The following DMD variants were observed in gnomAD, a reference collection of about 807,000 sequenced individuals.
DMD encodes dystrophin, also known as mutant dystrophin.
In DMD, 63 loss-of-function variants were observed where a neutral mutation model predicts 330.1. The observed-to-expected ratio is 0.19, with a 90% CI of 0.16 to 0.24. The LOEUF (loss-of-function observed/expected upper bound fraction) is 0.24, where lower values mean the gene tolerates loss of function less well. Ranked by LOEUF, DMD falls within the 10% of genes least tolerant of loss-of-function variation. The pLI is 1.00. For synonymous variants in DMD, 1,223 were observed against 959.8 expected, an observed-to-expected ratio of 1.27 and a Z score of -5.07; for missense variants, 3,344 against 2,684.1, an observed-to-expected ratio of 1.25 and a Z score of -5.43.
At chrX:32,387,935 A>G (rs1266849024) in intron 32 of DMD, among the ~76,000 whole-genome samples, 3 of 111,801 alleles carry the variant, frequency 2.7e-5, no homozygotes, top group Non-Finnish European at 3.8e-5. Flanking sequence ...ATTTATAAAC[A>G]AAGGGGAGAA....
chrX:32,141,361 G>A (rs1441254420), intron 44 of DMD, among the ~76,000 whole-genome samples: 12 of 110,472 alleles, frequency 1.1e-4, no homozygotes, highest in African/African-American at 4.0e-4. Flanking sequence ...ACTTGAACCC[G>A]GGAGGTGGAG....
At chrX:31,199,301 C>G (rs370619905) in intron 67 of DMD, among the ~76,000 whole-genome samples, 2 of 112,281 alleles carry the variant, frequency 1.8e-5, no homozygotes, top group East Asian at 5.6e-4. Context: ...ACTTCTATCA[C>G]TACCAAAATG....
chrX:33,136,636 C>A (rs2095529521), intron 1 of DMD, among the ~76,000 whole-genome samples: 1 of 110,012 alleles, frequency 9.1e-6, no homozygotes, highest in Admixed American at 9.9e-5. Flanking sequence ...ATAAAAGAGG[C>A]CAAGGGAACT....
chrX:32,205,491 G>A (rs1188837405), intron 44 of DMD, among the ~76,000 whole-genome samples: 1 of 110,118 alleles, frequency 9.1e-6, no homozygotes, highest in Admixed American at 9.8e-5. Context: ...ACTCATCAAT[G>A]GTGTACCGAC....
Position 31,504,847 on chromosome X carries a change from A to G in DMD, c.8390+2434T>C, listed in dbSNP as rs772758513. ...ATATCCTGTATTATTACATAGGCCTATATAAAAGCCAAAACCATTGATCTG... is the reference window on the plus strand; with the variant it reads ...ATATCCTGTATTATTACATAGGCCTGTATAAAAGCCAAAACCATTGATCTG... On this transcript the variant is annotated intron_variant, in intron 56 of 78. Coordinates refer to ENST00000357033, the MANE Select transcript of DMD (RefSeq NM_004006.3). Among the ~76,000 whole-genome samples the G allele has an allele frequency of 8.9e-5, 10 of 112,192 alleles. No homozygotes were observed. The East Asian group carries it at 2.5e-3, about 28-fold the overall frequency.
intron 52 of DMD, among the ~76,000 whole-genome samples, chrX:31,691,915 C>A (rs192828004): frequency 2.7e-5 from 3 of 111,380 alleles, no homozygotes; most frequent in African/African-American, 9.8e-5. Context: ...ACATTTTAGA[C>A]CAAATGGACC....
At chrX:32,703,315 T>C (rs1232718081) in intron 7 of DMD, among the ~76,000 whole-genome samples, 3 of 111,735 alleles carry the variant, frequency 2.7e-5, no homozygotes, top group African/African-American at 9.8e-5. Flanking sequence ...AGTAAAACTG[T>C]AAAGTTTGTT....
At chrX:32,662,414 C>T (rs1325844768) in intron 9 of DMD, among the ~76,000 whole-genome samples, 1 of 111,745 alleles carries the variant, frequency 8.9e-6, no homozygotes, top group African/African-American at 3.2e-5. Flanking sequence ...CACAAGTATG[C>T]TTAGAATTTC....
At chrX:32,352,585 TA>T (rs1569559347) in intron 37 of DMD, among the ~76,000 whole-genome samples, 1 of 111,152 alleles carries the variant, frequency 9.0e-6, no homozygotes, top group Non-Finnish European at 1.9e-5. Flanking sequence ...ACCACCTTAT[TA>T]GGCAGTATAG....
intron 47 of DMD, among the ~76,000 whole-genome samples, chrX:31,911,095 G>C (rs866881151): frequency 8.9e-6 from 1 of 112,033 alleles, no homozygotes; most frequent in African/African-American, 3.2e-5. Context: ...AAGAAATAGG[G>C]AGAGTGAGGC....
At chrX:32,484,087 A>T (rs2042190168) in intron 21 of DMD, among the ~76,000 whole-genome samples, 1 of 111,216 alleles carries the variant, frequency 9.0e-6, no homozygotes, top group Admixed American at 9.6e-5. Flanking sequence ...TTTTTTCAGA[A>T]AAATACTTTT....
At position 32,533,712 on chromosome X, in the gene DMD, T is replaced by G. The variant is rs766885091; in HGVS notation, c.2168+11447A>C. On this transcript the variant is annotated intron_variant, in intron 17 of 78. Transcript: ENST00000357033. Reference sequence around the variant, plus strand: ...TGAATAGGAAAATTAGCATGAAAACTAATGTTGCTGTCTCTTCTTTCTTGA... The same window carrying G: ...TGAATAGGAAAATTAGCATGAAAACGAATGTTGCTGTCTCTTCTTTCTTGA... Among the ~76,000 whole-genome samples the G allele has an allele frequency of 1.2e-4, 13 of 112,055 alleles. No individual in the cohort carries two copies. In the South Asian group the frequency reaches 4.5e-3, roughly 38 times the overall value.
intron 47 of DMD, among the ~76,000 whole-genome samples, chrX:31,901,191 C>A (rs2094416960): frequency 8.9e-6 from 1 of 111,814 alleles, no homozygotes; most frequent in African/African-American, 3.2e-5. Context: ...GGATCATTAA[C>A]CACAACCACC....
chrX:31,727,001 T>C (rs1414626197), intron 52 of DMD, among the ~76,000 whole-genome samples: 3 of 111,500 alleles, frequency 2.7e-5, no homozygotes, highest in African/African-American at 6.5e-5. Flanking sequence ...ATCTCTATCA[T>C]GAAAAAGTCA....
chrX:31,424,437 G>C (rs2063590719), intron 60 of DMD, among the ~76,000 whole-genome samples: 1 of 111,479 alleles, frequency 9.0e-6, no homozygotes, highest in South Asian at 3.8e-4. Flanking sequence ...TAATGATTAT[G>C]GAATGAAGGG....
At chrX:32,930,112 C>T (rs959240969) in intron 2 of DMD, among the ~76,000 whole-genome samples, 3 of 111,256 alleles carry the variant, frequency 2.7e-5, no homozygotes, top group Middle Eastern at 4.7e-3. Context: ...AGAACACTTA[C>T]GTTAGCCTAC....
intron 5 of DMD, among the ~76,000 whole-genome samples, chrX:32,821,742 T>C (rs1285638107): frequency 9.0e-6 from 1 of 111,419 alleles, no homozygotes; most frequent in Non-Finnish European, 1.9e-5. Context: ...TGATATAAAA[T>C]ATCCAAAAAG....
chrX:32,208,848 ATATTGTTAAAG>A (rs771733201), intron 44 of DMD, among the ~76,000 whole-genome samples: 9 of 111,408 alleles, frequency 8.1e-5, no homozygotes, highest in African/African-American at 2.9e-4. Flanking sequence ...CAGGGCCATC[ATATTGTTAAAG>A]TATCAGGCAA....
intron 4 of DMD, among the ~76,000 whole-genome samples, chrX:32,828,714 G>A (rs2078940420): frequency 9.1e-6 from 1 of 109,509 alleles, no homozygotes; most frequent in African/African-American, 3.3e-5. Flanking sequence ...GTTTCCACCT[G>A]CCTTCCTAGA....
Sources: gnomAD v4.1 joint callset for allele counts (sites outside exome capture counted in the v4.1 genomes callset) on GRCh38, gnomAD v4.1.1 for gene constraint, MANE v1.5 for transcripts, NCBI Gene and HGNC (gene_info 2026-07-23, HGNC 2026-07-21) for gene names.